The following C12orf42 variants were observed in gnomAD, a reference collection of about 807,000 sequenced individuals.
C12orf42 encodes chromosome 12 open reading frame 42, also known as uncharacterized protein C12orf42.
In C12orf42, 25 loss-of-function variants were observed where a neutral mutation model predicts 21.6. The observed-to-expected ratio is 1.16, with a 90% confidence interval of 0.84 to 1.62. The LOEUF is 1.62. Ranked by LOEUF, C12orf42 falls within the 40% of genes most tolerant of loss-of-function variation. The pLI is 0.00. For missense variants in C12orf42, 483 were observed against 459.3 expected (o/e 1.05, Z -0.47); for synonymous variants, 174 against 175.0 (o/e 0.99, Z 0.05).
the C12orf42 span, chr12:103,503,444 C>T: frequency 2.0e-5 from 3 of 152,290 alleles, no homozygotes; most frequent in Non-Finnish European, 4.4e-5. Flanking sequence ...GTGTTCTGCA[C>T]ACGTGGGTCT....
chr12:103,321,097 A>C (rs1407196654), intron 4 of C12orf42, among the ~76,000 whole-genome samples: 1 of 152,084 alleles, frequency 6.6e-6, no homozygotes, highest in Non-Finnish European at 1.5e-5. Context: ...ATGGGAGAAA[A>C]TTTTTGCAAC....
intron 4 of C12orf42, among the ~76,000 whole-genome samples, chr12:103,359,321 A>G (rs1342586138): frequency 2.0e-5 from 3 of 152,078 alleles, no homozygotes; most frequent in African/African-American, 7.2e-5. Flanking sequence ...TTCATCAAAC[A>G]CACAGATTTG....
the C12orf42 span, among the ~76,000 whole-genome samples, chr12:103,223,331 T>G: frequency 6.6e-6 from 1 of 152,064 alleles, no homozygotes; most frequent in African/African-American, 2.4e-5. Context: ...ATTGTGGGGA[T>G]GTTAGAAGAA....
At chr12:103,524,764 A>G in the C12orf42 span, among the ~76,000 whole-genome samples, 1 of 152,226 alleles carries the variant, frequency 6.6e-6, no homozygotes, top group Non-Finnish European at 1.5e-5. Context: ...TTGACTGCAC[A>G]TAAGTGCCAA....
intron 4 of C12orf42, among the ~76,000 whole-genome samples, chr12:103,366,405 C>T (rs2044605117): frequency 6.6e-6 from 1 of 151,990 alleles, no homozygotes; most frequent in South Asian, 2.1e-4. Context: ...TTGGCTTAAG[C>T]AAGGATTTCA....
the C12orf42 span, among the ~76,000 whole-genome samples, chr12:103,066,935 T>C: frequency 1.3e-5 from 2 of 152,178 alleles, no homozygotes; most frequent in African/African-American, 4.8e-5. Context: ...CATTGCCCAA[T>C]GGGCCCATGA....
At chr12:103,480,878 C>A (rs561861747) in intron 1 of C12orf42, among the ~76,000 whole-genome samples, 1 of 151,668 alleles carries the variant, frequency 6.6e-6, no homozygotes, top group East Asian at 1.9e-4. Context: ...TGGATGTAAT[C>A]TATAACTGTT....
chr12:103,103,969 C>T, the C12orf42 span, among the ~76,000 whole-genome samples: 2 of 152,062 alleles, frequency 1.3e-5, no homozygotes, highest in Non-Finnish European at 2.9e-5. Flanking sequence ...CCCAATAGCT[C>T]ACATTTATTA....
the C12orf42 span, among the ~76,000 whole-genome samples, chr12:103,047,671 G>C: frequency 6.6e-6 from 1 of 152,212 alleles, no homozygotes; most frequent in Admixed American, 6.5e-5. Context: ...CCTCGGGTTT[G>C]ATGGGGCAGT....
At chr12:103,464,837 G>A (rs549055086) in intron 2 of C12orf42, among the ~76,000 whole-genome samples, 3 of 152,050 alleles carry the variant, frequency 2.0e-5, no homozygotes, top group Non-Finnish European at 4.4e-5. Context: ...TTTCCCTGTT[G>A]CTTGGTTTTG....
chr12:103,246,128 G>A (rs193055132), intron 10 of C12orf42, among the ~76,000 whole-genome samples: 1 of 152,188 alleles, frequency 6.6e-6, no homozygotes, highest in African/African-American at 2.4e-5. Context: ...TCACAAAGTT[G>A]CCAATTTGGT....
intron 1 of C12orf42, among the ~76,000 whole-genome samples, chr12:103,488,549 C>T (rs1954987508): frequency 6.6e-6 from 1 of 152,186 alleles, no homozygotes; most frequent in Non-Finnish European, 1.5e-5. Flanking sequence ...AGAGTGTTTT[C>T]CAACGTGGTT....
At chr12:103,210,639 C>CT in the C12orf42 span, among the ~76,000 whole-genome samples, 891 of 77,666 alleles carry the variant, frequency 0.011, 21 homozygotes, top group African/African-American at 0.013. Context: ...CCCTCTATTT[C>CT]TTTTTTTTTT....
the C12orf42 span, among the ~76,000 whole-genome samples, chr12:103,103,886 C>T: frequency 1.3e-3 from 203 of 151,892 alleles, no homozygotes; most frequent in African/African-American, 4.7e-3. Flanking sequence ...CTGCAACCTC[C>T]GCCTCCCAGG....
the C12orf42 span, among the ~76,000 whole-genome samples, chr12:103,220,631 G>C: frequency 6.6e-6 from 1 of 152,142 alleles, no homozygotes; most frequent in African/African-American, 2.4e-5. Flanking sequence ...AATTTAAAGA[G>C]AGACAAAACA....
chr12:103,531,550 A>G, the C12orf42 span, among the ~76,000 whole-genome samples: 1 of 152,230 alleles, frequency 6.6e-6, no homozygotes, highest in Non-Finnish European at 1.5e-5. Flanking sequence ...AGATATTGAG[A>G]TCACTGGATT....
intron 2 of C12orf42, among the ~76,000 whole-genome samples, chr12:103,433,476 G>A (rs1446671682): frequency 6.6e-6 from 1 of 152,122 alleles, no homozygotes; most frequent in Non-Finnish European, 1.5e-5. Context: ...CAACAAGAAG[G>A]ATATAGCAAC....
At chr12:103,122,603 G>A in the C12orf42 span, among the ~76,000 whole-genome samples, 21 of 152,106 alleles carry the variant, frequency 1.4e-4, no homozygotes, top group Non-Finnish European at 2.8e-4. Context: ...TCTGAAGGAG[G>A]TAGGAGAGCA....
chr12:103,280,743 G>A (rs1384040464), intron 4 of C12orf42, among the ~76,000 whole-genome samples: 12 of 152,152 alleles, frequency 7.9e-5, no homozygotes, highest in African/African-American at 2.7e-4. Flanking sequence ...CAGCCAGCAC[G>A]GTGCTAAGAA....
Sources: allele counts gnomAD v4.1 joint callset (sites outside exome capture counted in the v4.1 genomes callset), GRCh38; gene constraint gnomAD v4.1.1; transcripts MANE v1.5; gene names NCBI Gene and HGNC (gene_info 2026-07-23, HGNC 2026-07-21).